Variants in FOXP1 observed in about 807,000 individuals in gnomAD.
The protein encoded by FOXP1 is forkhead box protein P1.
FOXP1 carries 15 observed loss-of-function variants against 98.2 expected under a neutral mutation model. That is an observed-to-expected ratio of 0.15 (90% CI 0.10 to 0.24). The LOEUF (loss-of-function observed/expected upper bound fraction) is 0.24, where lower values mean the gene tolerates loss of function less well. FOXP1 is among the 10% of genes least tolerant of loss of function. The pLI, the probability that FOXP1 is intolerant of heterozygous loss-of-function variation, is 1.00. For missense variants in FOXP1, 633 were observed against 848.5 expected, an observed-to-expected ratio of 0.75 and a Z score of 3.15; for synonymous variants, 371 against 314.5, an observed-to-expected ratio of 1.18 and a Z score of -1.90.
chr3:71,154,506 T>C lies in FOXP1; in HGVS notation c.181-41869A>G, dbSNP rs74595190. 1.8e-3 allele frequency among the ~76,000 whole-genome samples: 271 copies of C among 152,330 alleles called. 8 individuals are homozygous for C. In the East Asian group the frequency reaches 0.045, roughly 25 times the overall value. ...CATATACACTGTCAAATCACAAGAATAGATGTCCATGAAAGCCAGGATTCC... is the reference window on the plus strand; with the variant it reads ...CATATACACTGTCAAATCACAAGAACAGATGTCCATGAAAGCCAGGATTCC... On this transcript the variant is annotated intron_variant, in intron 6 of 20. Transcript: ENST00000649528.
chr3:71,289,548 T>A (rs926297044), intron 5 of FOXP1: 2 of 151,994 alleles, frequency 1.3e-5, no homozygotes, highest in African/African-American at 4.8e-5. Context: ...CTTACCTTGA[T>A]GACTTTCTGG....
At chr3:71,006,172 T>G (rs570519036) in intron 12 of FOXP1, among the ~76,000 whole-genome samples, 1 of 152,140 alleles carries the variant, frequency 6.6e-6, no homozygotes, top group Non-Finnish European at 1.5e-5. Flanking sequence ...TTTAGGTCAC[T>G]GGGTTTTGAA....
chr3:71,472,707 T>C (rs930499084), intron 3 of FOXP1, among the ~76,000 whole-genome samples: 4 of 152,256 alleles, frequency 2.6e-5, no homozygotes, highest in Admixed American at 2.6e-4. Flanking sequence ...TAATTTTAAC[T>C]ATTCTAGTCC....
At chr3:70,985,313 G>C (rs1036148700) in intron 14 of FOXP1, among the ~76,000 whole-genome samples, 4 of 152,066 alleles carry the variant, frequency 2.6e-5, no homozygotes, top group Non-Finnish European at 4.4e-5. Flanking sequence ...TTGCACATGA[G>C]AATCAGTCAC....
At chr3:71,348,520 TGC>T (rs879815415) in intron 4 of FOXP1, among the ~76,000 whole-genome samples, 8,526 of 42,648 alleles carry the variant, frequency 0.2, 350 homozygotes, top group Admixed American at 0.28. Context: ...TGTGTGTGTG[TGC>T]GTGTGTGTGT....
chr3:70,991,052 A>ATTTTT (rs11373167), intron 13 of FOXP1, among the ~76,000 whole-genome samples: 2 of 144,786 alleles, frequency 1.4e-5, no homozygotes, highest in Non-Finnish European at 1.5e-5. Context: ...CAACTTTCTA[A>ATTTTT]TTTTTTTTTT....
At chr3:71,061,748 C>A (rs750217995) in intron 7 of FOXP1, among the ~76,000 whole-genome samples, 1 of 152,172 alleles carries the variant, frequency 6.6e-6, no homozygotes, top group Non-Finnish European at 1.5e-5. Context: ...TTACCAAGAA[C>A]ATGGTTTTCA....
chr3:71,178,184 G>C (rs2108264178), intron 6 of FOXP1, among the ~76,000 whole-genome samples: 1 of 150,260 alleles, frequency 6.7e-6, no homozygotes, highest in East Asian at 2.0e-4. Context: ...CACCAGGCTG[G>C]AATGCAGTGG....
At chr3:71,426,788 C>A (rs1382390619) in intron 3 of FOXP1, among the ~76,000 whole-genome samples, 2 of 152,138 alleles carry the variant, frequency 1.3e-5, no homozygotes, top group South Asian at 2.1e-4. Context: ...TGCAGCCAGG[C>A]GCGGTGGCTC....
intron 5 of FOXP1, among the ~76,000 whole-genome samples, chr3:71,210,238 T>C (rs557001227): frequency 6.6e-6 from 1 of 152,358 alleles, no homozygotes; most frequent in East Asian, 1.9e-4. Context: ...TAGCTGCTCT[T>C]GTTTCCAGGC....
In FOXP1 at chr3:71,581,649, C is replaced by T. The variant is rs953131960; in HGVS notation, c.-398G>A. On this transcript the variant is annotated 5_prime_UTR_variant, in exon 2 of 21. Coordinates refer to ENST00000649528, the MANE Select transcript of FOXP1 (RefSeq NM_001349338.3). Reference sequence around the variant, plus strand: ...GGCGCCGCTGCCGCTGCCCCCGGCCCGCTCGCTCGCTCGCCGCGCGCTCTC... The same window carrying T: ...GGCGCCGCTGCCGCTGCCCCCGGCCTGCTCGCTCGCTCGCCGCGCGCTCTC... 3.0e-6 allele frequency: 3 copies of T among 985,534 alleles called. No individual in the cohort carries two copies. The highest frequency in any genetic ancestry group is 1.8e-5 in the African/African-American group (1 of 57,130). The allele number at this position is 985,534 out of a possible 1,614,324, so 61.0% of individuals were successfully genotyped here.
At chr3:71,094,871 C>T (rs952030697) in intron 7 of FOXP1, among the ~76,000 whole-genome samples, 1 of 152,214 alleles carries the variant, frequency 6.6e-6, no homozygotes, top group African/African-American at 2.4e-5. Flanking sequence ...CAGATGAAGC[C>T]TCAGCTGGTC....
In FOXP1 at chr3:71,583,457, CTT is replaced by C. The variant is rs1478093090; in HGVS notation, c.-447+112_-447+113del. On this transcript the variant is annotated intron_variant, in intron 1 of 20. Transcript: ENST00000649528. ...TTTTTTCCATTTTTTTTCTCTTTTT[CTT>C]TCTTTCTTTTTTTTTTTTTGTGCTG... 48 of 922,720 alleles carry C rather than the reference CTT, an allele frequency of 5.2e-5. No individual in the cohort carries two copies. In the African/African-American group the frequency reaches 8.7e-4, roughly 17 times the overall value. 57.2% of individuals were successfully genotyped at this position (922,720 alleles called of 1,614,324 possible).
chr3:70,965,826 C>G, intron 20 of FOXP1, 64 bp downstream of exon 20: 1 of 1,510,696 alleles, frequency 6.6e-7, no homozygotes, highest in Non-Finnish European at 9.2e-7. Flanking sequence ...AGGGCTGTCT[C>G]CCTGCGTGTA....
chr3:71,244,616 C>T (rs146884041), intron 5 of FOXP1, among the ~76,000 whole-genome samples: 4 of 152,004 alleles, frequency 2.6e-5, no homozygotes, highest in South Asian at 4.2e-4. Context: ...TGCCACAGAT[C>T]GGGGGTGTTT....
chr3:71,130,424 T>A (rs543141391), intron 6 of FOXP1: 139 of 1,456,872 alleles, frequency 9.5e-5, no homozygotes, highest in Non-Finnish European at 1.2e-4. Context: ...TCAGAGAATG[T>A]CTGCACAAGA....
intron 5 of FOXP1, among the ~76,000 whole-genome samples, chr3:71,205,518 C>A (rs1390060516): frequency 6.6e-6 from 1 of 151,742 alleles, no homozygotes; most frequent in Non-Finnish European, 1.5e-5. Flanking sequence ...TAAAAAAAAA[C>A]AAAACCAAAA....
intron 6 of FOXP1, among the ~76,000 whole-genome samples, chr3:71,174,665 T>C (rs2061825499): frequency 6.6e-6 from 1 of 152,166 alleles, no homozygotes; most frequent in Admixed American, 6.5e-5. Flanking sequence ...TTATTCTGTC[T>C]GAGCTTAGTT....
At chr3:70,967,296 A>G (rs1366812362) in intron 19 of FOXP1, among the ~76,000 whole-genome samples, 2 of 152,282 alleles carry the variant, frequency 1.3e-5, no homozygotes, top group East Asian at 3.9e-4. Context: ...TCGCAGCCTC[A>G]CTCACTGTAC....
Sources: gnomAD v4.1 joint callset for allele counts (sites outside exome capture counted in the v4.1 genomes callset) on GRCh38, gnomAD v4.1.1 for gene constraint, MANE v1.5 for transcripts, NCBI Gene and HGNC (gene_info 2026-07-23, HGNC 2026-07-21) for gene names.